Variants in ACOT12 observed in about 807,000 individuals in gnomAD.
ACOT12 encodes acyl-CoA thioesterase 12.
In ACOT12, 51 loss-of-function variants were observed where a neutral mutation model predicts 67.7. That is an observed-to-expected ratio of 0.75 (90% confidence interval 0.60 to 0.95). The LOEUF (loss-of-function observed/expected upper bound fraction) is 0.95, where lower values mean the gene tolerates loss of function less well. ACOT12 is among the 40% of genes least tolerant of loss of function. ACOT12 has a pLI of 0.00. For missense variants in ACOT12, 734 were observed against 708.1 expected, an observed-to-expected ratio of 1.04 and a Z score of -0.41; for synonymous variants, 251 against 244.6, an observed-to-expected ratio of 1.03 and a Z score of -0.24.
Position 81,385,846 on chromosome 5 carries a change from A to G in ACOT12, c.128-20T>C, listed in dbSNP as rs1218513208. On this transcript the variant is annotated intron_variant, in intron 1 of 14. Coordinates refer to ENST00000307624, the MANE Select transcript of ACOT12 (RefSeq NM_130767.3). ...TCTCAGCTTCAAAAAATACATAAAA[A>G]TGTGCTGCTTTAGTGGTGATATGAG... 2 of 1,610,632 alleles carry G rather than the reference A, an allele frequency of 1.2e-6. No individual in the cohort carries two copies. Among genetic ancestry groups the G allele is most frequent in the East Asian group, 4.5e-5 (2 of 44,868 alleles).
chr5:81,378,217 C>T (rs192192024), intron 2 of ACOT12, among the ~76,000 whole-genome samples: 25 of 152,184 alleles, frequency 1.6e-4, no homozygotes, highest in African/African-American at 5.5e-4. Flanking sequence ...ACAAACCTGA[C>T]AAAAACAAGC....
chr5:81,339,191 T>C (rs1379866740), intron 11 of ACOT12, among the ~76,000 whole-genome samples: 1 of 152,210 alleles, frequency 6.6e-6, no homozygotes, highest in Non-Finnish European at 1.5e-5. Flanking sequence ...AAGTGGTTTT[T>C]ACAGAAGCCT....
At chr5:81,345,749 T>A in intron 7 of ACOT12, 136 bp downstream of exon 7, 1 of 1,174,894 alleles carries the variant, frequency 8.5e-7, no homozygotes, top group East Asian at 2.8e-5. Flanking sequence ...TAAAAATATG[T>A]TCATGGATTT....
chr5:81,337,571 T>C (rs571290646), intron 11 of ACOT12, among the ~76,000 whole-genome samples: 2 of 152,256 alleles, frequency 1.3e-5, no homozygotes, highest in Admixed American at 1.3e-4. Context: ...GACATGCTTA[T>C]AGGGAGAACA....
intron 1 of ACOT12, among the ~76,000 whole-genome samples, chr5:81,389,146 T>C (rs1760802947): frequency 6.6e-6 from 1 of 152,236 alleles, no homozygotes; most frequent in South Asian, 2.1e-4. Context: ...ACTGAGATAA[T>C]ACACTAGGTG....
the ACOT12 span, among the ~76,000 whole-genome samples, chr5:81,313,831 G>A: frequency 6.6e-6 from 1 of 152,194 alleles, no homozygotes; most frequent in Non-Finnish European, 1.5e-5. Flanking sequence ...TTATTTCAGT[G>A]TGAGAGGAAA....
chr5:81,347,941 G>T lies in ACOT12; in HGVS notation c.497-11C>A, dbSNP rs758873633. 6 of 1,611,956 alleles carry T rather than the reference G, an allele frequency of 3.7e-6. No homozygotes were observed. The highest frequency in any genetic ancestry group is 1.1e-5 in the South Asian group (1 of 90,578). On this transcript the variant is annotated splice_polypyrimidine_tract_variant and intron_variant, in intron 5 of 14. Coordinates refer to ENST00000307624, the MANE Select transcript of ACOT12 (RefSeq NM_130767.3). Reference sequence around the variant, plus strand: ...CATCAAAAATGAGATCTGAAAGGTGGATGTAAACATTAATGATGGTGGAGT... The same window carrying T: ...CATCAAAAATGAGATCTGAAAGGTGTATGTAAACATTAATGATGGTGGAGT...
chr5:81,323,861 C>CATGTATATGT, the ACOT12 span, among the ~76,000 whole-genome samples: 1 of 105,504 alleles, frequency 9.5e-6, no homozygotes, highest in Non-Finnish European at 2.2e-5. Context: ...CATGTATATG[C>CATGTATATGT]ATATGTATAT....
the ACOT12 span, chr5:81,308,889 A>G: frequency 1.4e-6 from 2 of 1,479,808 alleles, no homozygotes; most frequent in Non-Finnish European, 1.8e-6. Context: ...AAATAATGTT[A>G]ATTTTATGAC....
At chr5:81,385,227 G>A (rs1355821787) in intron 2 of ACOT12, among the ~76,000 whole-genome samples, 2 of 151,954 alleles carry the variant, frequency 1.3e-5, no homozygotes, top group Admixed American at 6.6e-5. Flanking sequence ...TGGGTGGATC[G>A]CTTGAGCCCA....
chr5:81,343,786 T>C, intron 10 of ACOT12, 32 bp downstream of exon 10: 1 of 1,607,148 alleles, frequency 6.2e-7, no homozygotes, highest in Non-Finnish European at 8.5e-7. Context: ...ATGAGACTTT[T>C]ATATGAAGAG....
chr5:81,323,083 G>GAAAA, the ACOT12 span, among the ~76,000 whole-genome samples: 1 of 104,070 alleles, frequency 9.6e-6, no homozygotes. Context: ...ATAGCAAAAA[G>GAAAA]AAAAAAAAAA....
rs1328794992 is a variant in ACOT12 at position 81,382,627 on chromosome 5, T to C, written c.197+3130A>G. Among the ~76,000 whole-genome samples the C allele has an allele frequency of 2.6e-5, 4 of 151,796 alleles. No individual in the cohort carries two copies. In the East Asian group the frequency reaches 5.8e-4, roughly 22 times the overall value. ...GCCTGGCCAACATGATGAAACCCCATCTCTACTAAAAAATACAAAAAAAAT... is the reference window on the plus strand; with the variant it reads ...GCCTGGCCAACATGATGAAACCCCACCTCTACTAAAAAATACAAAAAAAAT... On this transcript the variant is annotated intron_variant, in intron 2 of 14. Coordinates refer to ENST00000307624, the MANE Select transcript of ACOT12 (RefSeq NM_130767.3).
In ACOT12 at chr5:81,384,117, C is replaced by CTTTT. The variant is rs35675731; in HGVS notation, c.197+1636_197+1639dup. The stretch of plus-strand genomic sequence containing the variant: ...TGGTTAAGTGCCCTACATAGGTGTA[C>CTTTT]TTTTTTTTTTTTTTTTTTTTGTAGA... On this transcript the variant is annotated intron_variant, in intron 2 of 14. Coordinates refer to ENST00000307624, the MANE Select transcript of ACOT12 (RefSeq NM_130767.3). 2.1e-4 allele frequency among the ~76,000 whole-genome samples: 25 copies of CTTTT among 118,686 alleles called. 1 individual carries two copies. Among genetic ancestry groups the CTTTT allele is most frequent in the Admixed American group, 7.7e-4 (8 of 10,374 alleles). 77.9% of individuals were successfully genotyped at this position (118,686 alleles called of 152,430 possible).
intron 1 of ACOT12, among the ~76,000 whole-genome samples, chr5:81,389,490 G>A (rs1432008966): frequency 6.6e-6 from 1 of 152,090 alleles, no homozygotes; most frequent in Non-Finnish European, 1.5e-5. Flanking sequence ...GTTTGACTAT[G>A]ATATGCCTGG....
At chr5:81,337,256 C>T (rs1203234039) in intron 11 of ACOT12, among the ~76,000 whole-genome samples, 1 of 152,196 alleles carries the variant, frequency 6.6e-6, no homozygotes, top group East Asian at 1.9e-4. Context: ...GGGCAGGTGG[C>T]CAGGGTGAAC....
chr5:81,319,013 G>A, the ACOT12 span, among the ~76,000 whole-genome samples: 22 of 152,014 alleles, frequency 1.4e-4, no homozygotes, highest in African/African-American at 4.8e-4. Context: ...TGAGATTGCT[G>A]ATTTTCAAAA....
intron 12 of ACOT12, among the ~76,000 whole-genome samples, chr5:81,334,043 G>C (rs573299994): frequency 1.3e-5 from 2 of 152,250 alleles, no homozygotes; most frequent in East Asian, 1.9e-4. Context: ...AATTCAGTCA[G>C]GGGTGGTCAG....
intron 11 of ACOT12, among the ~76,000 whole-genome samples, chr5:81,340,114 T>G (rs971484139): frequency 1.4e-4 from 21 of 151,892 alleles, no homozygotes; most frequent in African/African-American, 4.6e-4. Flanking sequence ...CTCGGCTCAC[T>G]GCAACCTCTG....
Sources: allele counts gnomAD v4.1 joint callset (sites outside exome capture counted in the v4.1 genomes callset), GRCh38; gene constraint gnomAD v4.1.1; transcripts MANE v1.5; gene names NCBI Gene and HGNC (gene_info 2026-07-23, HGNC 2026-07-21).